The following KCND2 variants were observed in gnomAD, a reference collection of about 807,000 sequenced individuals.
KCND2 encodes A-type voltage-gated potassium channel KCND2.
Under a neutral mutation model 54.4 loss-of-function variants are expected in KCND2, and 16 were observed. The ratio of observed to expected loss-of-function variants is 0.29; its 90% CI spans 0.20 to 0.45. The LOEUF is 0.45. KCND2 is among the 20% of genes least tolerant of loss of function. The pLI, the probability that KCND2 is intolerant of heterozygous loss-of-function variation, is 1.00. For missense variants in KCND2, 486 were observed against 824.2 expected (o/e 0.59, Z 5.02); for synonymous variants, 317 against 310.7 (o/e 1.02, Z -0.21).
chr7:120,318,303 C>G (rs913133034), intron 1 of KCND2, among the ~76,000 whole-genome samples: 24 of 152,062 alleles, frequency 1.6e-4, no homozygotes, highest in African/African-American at 5.5e-4. Flanking sequence ...CCATAGGAAG[C>G]AAAGTCAAAG....
intron 1 of KCND2, among the ~76,000 whole-genome samples, chr7:120,460,436 T>C (rs1024683049): frequency 6.6e-6 from 1 of 152,146 alleles, no homozygotes; most frequent in Non-Finnish European, 1.5e-5. Flanking sequence ...TCTTGCATCC[T>C]GATTACAAGT....
chr7:120,656,849 T>A lies in KCND2; in HGVS notation c.1116-76054T>A, dbSNP rs528534340. On this transcript the variant is annotated intron_variant, in intron 1 of 5. Coordinates refer to ENST00000331113, the MANE Select transcript of KCND2 (RefSeq NM_012281.3). The stretch of plus-strand genomic sequence containing the variant: ...ACCCTAGGGAGTCCCTCGTGCAGAA[T>A]GACTAGGAGGTGTATAAAGGGGAAC... Among the ~76,000 whole-genome samples, 3 of 152,276 alleles carry A rather than the reference T, an allele frequency of 2.0e-5. No individual in the cohort carries two copies. The South Asian group carries it at 6.2e-4, about 32-fold the overall frequency.
intron 1 of KCND2, among the ~76,000 whole-genome samples, chr7:120,669,716 G>A (rs115213462): frequency 0.034 from 5,217 of 152,194 alleles, 215 homozygotes; most frequent in African/African-American, 0.1. Flanking sequence ...CATGAATTGT[G>A]AAGTCTGCGC....
intron 1 of KCND2, among the ~76,000 whole-genome samples, chr7:120,461,221 T>C (rs974907024): frequency 1.3e-5 from 2 of 152,168 alleles, no homozygotes; most frequent in African/African-American, 2.4e-5. Flanking sequence ...TTGTACCTAT[T>C]GACAGGATCG....
At chr7:120,689,269 A>G (rs980198348) in intron 1 of KCND2, among the ~76,000 whole-genome samples, 10 of 152,216 alleles carry the variant, frequency 6.6e-5, no homozygotes, top group African/African-American at 2.4e-4. Context: ...ATACAGAATA[A>G]GAGGAAATAG....
intron 1 of KCND2, among the ~76,000 whole-genome samples, chr7:120,373,984 T>G (rs188426619): frequency 6.6e-6 from 1 of 151,750 alleles, no homozygotes; most frequent in East Asian, 1.9e-4. Context: ...TCCAGAAATA[T>G]AAGCAATTAA....
chr7:120,503,385 T>TGA (rs58222636), intron 1 of KCND2, among the ~76,000 whole-genome samples: 275 of 146,576 alleles, frequency 1.9e-3, no homozygotes, highest in Non-Finnish European at 1.3e-3. Context: ...GTCTCTAGAG[T>TGA]GAGAGAGAGA....
intron 1 of KCND2, among the ~76,000 whole-genome samples, chr7:120,423,096 G>T (rs796918392): frequency 6.6e-5 from 10 of 152,222 alleles, no homozygotes; most frequent in African/African-American, 2.4e-4. Context: ...CCTACAACAG[G>T]GCTTTCCCAG....
At chr7:120,575,887 T>C (rs141885898) in intron 1 of KCND2, among the ~76,000 whole-genome samples, 262 of 143,352 alleles carry the variant, frequency 1.8e-3, no homozygotes, top group Admixed American at 3.4e-3. Context: ...ATATCTAAAA[T>C]AAATGAGTTT....
intron 1 of KCND2, among the ~76,000 whole-genome samples, chr7:120,490,238 GTT>G (rs1802759604): frequency 1.2e-5 from 1 of 84,438 alleles, no homozygotes; most frequent in African/African-American, 1.3e-4. Flanking sequence ...GATATTTAGC[GTT>G]CTTTCAGTTA....
At chr7:120,434,200 C>T (rs1273398566) in intron 1 of KCND2, among the ~76,000 whole-genome samples, 1 of 152,158 alleles carries the variant, frequency 6.6e-6, no homozygotes, top group African/African-American at 2.4e-5. Context: ...GACCTCACAA[C>T]GTATATACTA....
intron 1 of KCND2, among the ~76,000 whole-genome samples, chr7:120,714,926 C>CA (rs1378128683): frequency 1.3e-5 from 2 of 151,984 alleles, no homozygotes; most frequent in Non-Finnish European, 2.9e-5. Context: ...CACAGAATAA[C>CA]TTGTTGAAAT....
At chr7:120,709,326 T>G (rs1562916572) in intron 1 of KCND2, among the ~76,000 whole-genome samples, 1 of 152,292 alleles carries the variant, frequency 6.6e-6, no homozygotes, top group East Asian at 1.9e-4. Flanking sequence ...TAAATGCAAA[T>G]ATGAGTATTT....
At chr7:120,671,661 C>A (rs1292537853) in intron 1 of KCND2, among the ~76,000 whole-genome samples, 1 of 152,108 alleles carries the variant, frequency 6.6e-6, no homozygotes, top group African/African-American at 2.4e-5. Flanking sequence ...ATCTTATCAT[C>A]ATTCCACAGC....
chr7:120,732,887 T>TA lies in KCND2; in HGVS notation c.1116-16_1116-15insA. ...GTGACTTAAAACAATATATATATAT[T>TA]TTTTCTTTAACTCAGGTATGGTGAC... is the stretch of plus-strand genomic sequence containing the variant. On this transcript the variant is annotated splice_polypyrimidine_tract_variant and intron_variant, in intron 1 of 5. Coordinates refer to ENST00000331113, the MANE Select transcript of KCND2 (RefSeq NM_012281.3). 1.2e-6 allele frequency: 2 copies of TA among 1,603,526 alleles called. No homozygotes were observed. Among genetic ancestry groups the TA allele is most frequent in the Non-Finnish European group, 1.7e-6 (2 of 1,170,796 alleles).
chr7:120,485,816 C>T (rs1474184406), intron 1 of KCND2, among the ~76,000 whole-genome samples: 3 of 152,166 alleles, frequency 2.0e-5, no homozygotes, highest in African/African-American at 2.4e-5. Flanking sequence ...TTCTGTCTCT[C>T]TTCTCAAGAA....
chr7:120,342,562 G>T (rs1239183162), intron 1 of KCND2, among the ~76,000 whole-genome samples: 1 of 152,010 alleles, frequency 6.6e-6, no homozygotes, highest in East Asian at 1.9e-4. Context: ...GCTTTGTATT[G>T]TATATTACAA....
intron 1 of KCND2, among the ~76,000 whole-genome samples, chr7:120,641,489 C>T (rs919807302): frequency 6.6e-6 from 1 of 152,118 alleles, no homozygotes; most frequent in African/African-American, 2.4e-5. Flanking sequence ...CAGGTTCCTG[C>T]CTCTCCTTCC....
At chr7:120,541,309 A>G (rs898619690) in intron 1 of KCND2, among the ~76,000 whole-genome samples, 2 of 152,118 alleles carry the variant, frequency 1.3e-5, no homozygotes, top group Non-Finnish European at 2.9e-5. Context: ...CCCAAACCTC[A>G]CTGATAATCA....
Sources: gnomAD v4.1 joint callset for allele counts (sites outside exome capture counted in the v4.1 genomes callset) on GRCh38, gnomAD v4.1.1 for gene constraint, MANE v1.5 for transcripts, NCBI Gene and HGNC (gene_info 2026-07-23, HGNC 2026-07-21) for gene names.